Variants in NCOA3 observed in about 807,000 individuals in gnomAD.
NCOA3 encodes nuclear receptor coactivator 3.
NCOA3 carries 51 observed loss-of-function variants against 158.8 expected under a neutral mutation model. That is an observed-to-expected ratio of 0.32 (90% CI 0.26 to 0.41). NCOA3 has a LOEUF of 0.41. Ranked by LOEUF, NCOA3 falls within the 10% of genes least tolerant of loss-of-function variation. NCOA3 has a pLI of 1.00. For missense variants in NCOA3, 1,510 were observed against 1,746.6 expected (o/e 0.86, Z 2.41); for synonymous variants, 537 against 592.4 (o/e 0.91, Z 1.36).
At chr20:47,650,259 C>CTTTT (rs555753870) in intron 19 of NCOA3, among the ~76,000 whole-genome samples, 1 of 131,120 alleles carries the variant, frequency 7.6e-6, no homozygotes, top group Non-Finnish European at 1.6e-5. Flanking sequence ...AGCCAGAAAG[C>CTTTT]TTTTTTTTTT....
intron 1 of NCOA3, among the ~76,000 whole-genome samples, chr20:47,535,238 G>A (rs1480603200): frequency 6.6e-6 from 1 of 152,138 alleles, no homozygotes; most frequent in Non-Finnish European, 1.5e-5. Context: ...CCTAGGGGGA[G>A]CATGCAGACG....
At chr20:47,545,707 T>C (rs950798812) in intron 1 of NCOA3, among the ~76,000 whole-genome samples, 2 of 152,020 alleles carry the variant, frequency 1.3e-5, no homozygotes, top group African/African-American at 4.8e-5. Context: ...ATACATATAT[T>C]GGATCATCTT....
intron 1 of NCOA3, among the ~76,000 whole-genome samples, chr20:47,559,036 A>G (rs895236684): frequency 2.6e-5 from 4 of 151,960 alleles, no homozygotes; most frequent in East Asian, 1.9e-4. Context: ...TGTTTTCTCT[A>G]TTAGGGTTCT....
At position 47,522,148 on chromosome 20, in the gene NCOA3, G is replaced by C. The variant is rs555629973; in HGVS notation, c.-99+20129G>C. 3.0e-4 allele frequency among the ~76,000 whole-genome samples: 40 copies of C among 134,862 alleles called. 1 individual carries two copies. In the East Asian group the frequency reaches 7.1e-3, roughly 24 times the overall value. 88.5% of individuals were successfully genotyped at this position (134,862 alleles called of 152,430 possible). On this transcript the variant is annotated intron_variant, in intron 1 of 22. Coordinates refer to ENST00000371998, the MANE Select transcript of NCOA3 (RefSeq NM_181659.3). Reference sequence around the variant, plus strand: ...GAGACGGAGTCTTGCTGTCTCCTAGGCTGGAGTGCAGTGGAGCGATCTCGG... The same window carrying C: ...GAGACGGAGTCTTGCTGTCTCCTAGCCTGGAGTGCAGTGGAGCGATCTCGG...
At chr20:47,575,039 T>C (rs1336883301) in intron 1 of NCOA3, among the ~76,000 whole-genome samples, 1 of 152,180 alleles carries the variant, frequency 6.6e-6, no homozygotes, top group Non-Finnish European at 1.5e-5. Context: ...CCCCAATAGC[T>C]GCTGCTGGAG....
rs72645208 is a variant in NCOA3, at chr20:47,586,166, G to T, written c.-20+2905G>T. 2.7e-3 allele frequency among the ~76,000 whole-genome samples: 405 copies of T among 152,184 alleles called. 1 individual carries two copies. Among genetic ancestry groups the T allele is most frequent in the African/African-American group, 9.3e-3 (388 of 41,506 alleles). On this transcript the variant is annotated intron_variant, in intron 2 of 22. Transcript: ENST00000371998. ...ACTCCTGACCTTAGGTGATCTACCT[G>T]CCTCGGCCTCCCAAAGTGCTGGGGT...
chr20:47,583,209 C>T lies in NCOA3; in HGVS notation c.-72C>T, dbSNP rs561294415. The stretch of plus-strand genomic sequence containing the variant: ...ATCAAAATACTTGCTGGATGGTGGA[C>T]TCAGAGACCAATAAAAATAAACTGC... On this transcript the variant is annotated 5_prime_UTR_variant, in exon 2 of 23. Coordinates refer to ENST00000371998, the MANE Select transcript of NCOA3 (RefSeq NM_181659.3). 3 of 398,642 alleles carry T rather than the reference C, an allele frequency of 7.5e-6. No homozygotes were observed. The South Asian group carries it at 3.8e-4, about 51-fold the overall frequency. 24.7% of individuals were successfully genotyped at this position (398,642 alleles called of 1,614,324 possible).
At chr20:47,516,754 C>G (rs2084240368) in intron 1 of NCOA3, among the ~76,000 whole-genome samples, 2 of 151,558 alleles carry the variant, frequency 1.3e-5, no homozygotes, top group African/African-American at 4.9e-5. Context: ...AACCCTGTCT[C>G]TACAAAAAAG....
chr20:47,632,709 A>C (rs2086440888), intron 8 of NCOA3, among the ~76,000 whole-genome samples: 2 of 132,958 alleles, frequency 1.5e-5, no homozygotes, highest in Admixed American at 1.6e-4. Context: ...TTTGAGATGG[A>C]GTCTCATTCT....
intron 1 of NCOA3, among the ~76,000 whole-genome samples, chr20:47,565,592 T>A (rs2085180483): frequency 6.6e-6 from 1 of 152,064 alleles, no homozygotes; most frequent in African/African-American, 2.4e-5. Flanking sequence ...GTCATGCACC[T>A]GTAGTCCCAG....
At chr20:47,567,657 C>T (rs1446220059) in intron 1 of NCOA3, among the ~76,000 whole-genome samples, 1 of 152,106 alleles carries the variant, frequency 6.6e-6, no homozygotes, top group South Asian at 2.1e-4. Context: ...GCAACCTCTG[C>T]CTCCTGGGTT....
intron 1 of NCOA3, among the ~76,000 whole-genome samples, chr20:47,573,928 A>G (rs1328224011): frequency 6.6e-6 from 1 of 152,162 alleles, no homozygotes; most frequent in Non-Finnish European, 1.5e-5. Flanking sequence ...GTGGCCATTA[A>G]ATAACAACCC....
chr20:47,642,349 G>A lies in NCOA3; in HGVS notation c.3217G>A (p.Asp1073Asn). ...AGATGCCACAGGCCTGGAAGAAATT[G>A]ACAGAGCTTTGGGCATTCCTGAACT... ...NTDATGLEEI[D>N]RALGIPELVN... The change falls in exon 17 of 23, where the codon GAC (aspartate) becomes AAC (asparagine). Residue 1073 changes from aspartate (D) to asparagine (N), a missense_variant. Asp to Asn is a conservative substitution (Grantham distance 23, BLOSUM62 1). Coordinates refer to ENST00000371998, the MANE Select transcript of NCOA3 (RefSeq NM_181659.3). 6.2e-7 allele frequency: 1 copy of A among 1,610,012 alleles called. No homozygotes were observed. Among genetic ancestry groups the A allele is most frequent in the Non-Finnish European group, 8.5e-7 (1 of 1,178,954 alleles).
At chr20:47,555,007 G>T (rs1376972369) in intron 1 of NCOA3, among the ~76,000 whole-genome samples, 1 of 152,118 alleles carries the variant, frequency 6.6e-6, no homozygotes, top group African/African-American at 2.4e-5. Flanking sequence ...TACCAAAACA[G>T]AGATATAGAC....
intron 1 of NCOA3, among the ~76,000 whole-genome samples, chr20:47,525,651 CGGACGGGGGGGCTGA>C (rs2084422861): frequency 7.7e-6 from 1 of 129,122 alleles, no homozygotes; most frequent in East Asian, 2.4e-4. Context: ...GGCGGCTGGC[CGGACGGGGGGGCTGA>C]CCCCCCCCAC....
intron 2 of NCOA3, among the ~76,000 whole-genome samples, chr20:47,584,734 G>GA (rs2085508258): frequency 1.3e-5 from 2 of 152,132 alleles, no homozygotes; most frequent in Non-Finnish European, 2.9e-5. Context: ...GGAGGAGAAA[G>GA]AAGAGGAAAT....
intron 3 of NCOA3, among the ~76,000 whole-genome samples, chr20:47,623,432 T>C (rs1258577591): frequency 6.6e-6 from 1 of 152,258 alleles, no homozygotes. Flanking sequence ...TATTATGTTG[T>C]ACTACTTCTC....
intron 17 of NCOA3, 24 bp downstream of exon 17, chr20:47,642,408 A>G (rs1365626990): frequency 6.4e-7 from 1 of 1,564,412 alleles, no homozygotes; most frequent in Admixed American, 2.0e-5. Context: ...ACATGGAAGT[A>G]GGAGAGTGTA....
chr20:47,622,197 T>A (rs1178976113), intron 2 of NCOA3, 32 bp from the exon 3 acceptor site: 1 of 1,194,218 alleles, frequency 8.4e-7, no homozygotes, highest in South Asian at 1.3e-5. Context: ...TTTTTTAATG[T>A]ACTTATCTTA....
Sources: gnomAD v4.1 joint callset for allele counts (sites outside exome capture counted in the v4.1 genomes callset) on GRCh38, gnomAD v4.1.1 for gene constraint, MANE v1.5 for transcripts, NCBI Gene and HGNC (gene_info 2026-07-23, HGNC 2026-07-21) for gene names.